SPAG1: variants seen among roughly 807,000 people sequenced by gnomAD.
SPAG1 encodes sperm associated antigen 1.
In SPAG1, 69 loss-of-function variants were observed where a neutral mutation model predicts 100.5. The ratio of observed to expected loss-of-function variants is 0.69; its 90% confidence interval spans 0.57 to 0.84. The LOEUF (loss-of-function observed/expected upper bound fraction) is 0.84. Ranked by LOEUF, SPAG1 falls within the 40% of genes least tolerant of loss-of-function variation. The pLI is 0.00. For missense variants in SPAG1, 955 were observed against 1,133.1 expected (o/e 0.84, Z 2.26); for synonymous variants, 336 against 411.6 (o/e 0.82, Z 2.22).
intron 10 of SPAG1, among the ~76,000 whole-genome samples, chr8:100,210,803 G>A (rs1157781804): frequency 6.6e-6 from 1 of 151,232 alleles, no homozygotes; most frequent in Non-Finnish European, 1.5e-5. Flanking sequence ...TTATAGGGGT[G>A]AGCCACCTTG....
intron 14 of SPAG1, among the ~76,000 whole-genome samples, chr8:100,228,240 G>A (rs1818605042): frequency 6.6e-6 from 1 of 151,994 alleles, no homozygotes; most frequent in South Asian, 2.1e-4. Flanking sequence ...TGTGCAGAGG[G>A]ACAAATAAGA....
intron 14 of SPAG1, among the ~76,000 whole-genome samples, chr8:100,226,564 C>T (rs555356775): frequency 1.6e-4 from 25 of 152,040 alleles, no homozygotes; most frequent in Non-Finnish European, 2.5e-4. Flanking sequence ...ATTAGCCAAG[C>T]GTGGTGGTGC....
chr8:100,228,410 C>CAAAAA (rs71274969), intron 14 of SPAG1, among the ~76,000 whole-genome samples: 3 of 129,580 alleles, frequency 2.3e-5, no homozygotes, highest in African/African-American at 2.9e-5. Context: ...CCATCTCTAC[C>CAAAAA]AAAAAAAAAA....
intron 10 of SPAG1, among the ~76,000 whole-genome samples, chr8:100,210,042 C>T (rs914370042): frequency 7.9e-5 from 12 of 152,022 alleles, no homozygotes; most frequent in South Asian, 2.1e-4. Flanking sequence ...GTTGAATAGC[C>T]GTGGTGAAAA....
At chr8:100,207,124 T>C (rs1339894606) in intron 10 of SPAG1, among the ~76,000 whole-genome samples, 1 of 152,228 alleles carries the variant, frequency 6.6e-6, no homozygotes, top group Non-Finnish European at 1.5e-5. Context: ...CATTTGACTA[T>C]GGGTCATCAA....
At chr8:100,196,751 T>C (rs1340615236) in intron 10 of SPAG1, among the ~76,000 whole-genome samples, 1 of 152,172 alleles carries the variant, frequency 6.6e-6, no homozygotes, top group East Asian at 1.9e-4. Context: ...ATGAACACTT[T>C]GCCTAAGTCA....
intron 3 of SPAG1, among the ~76,000 whole-genome samples, chr8:100,173,102 G>A (rs1815955336): frequency 7.2e-6 from 1 of 138,992 alleles, no homozygotes; most frequent in African/African-American, 2.7e-5. Flanking sequence ...GAGTGCAGTG[G>A]CACAATCATA....
At chr8:100,171,425 C>A (rs1007289772) in intron 3 of SPAG1, among the ~76,000 whole-genome samples, 1 of 152,040 alleles carries the variant, frequency 6.6e-6, no homozygotes, top group Admixed American at 6.6e-5. Context: ...GGTATTATTT[C>A]TTTCTTAAAT....
intron 3 of SPAG1, 107 bp downstream of exon 3, chr8:100,166,080 A>C (rs914882069): frequency 1.3e-5 from 13 of 965,338 alleles, no homozygotes; most frequent in Non-Finnish European, 2.0e-5. Flanking sequence ...AAGGGCTTTT[A>C]GTGTCAATTA....
chr8:100,225,674 CA>C lies in SPAG1; in HGVS notation c.1855+336del, dbSNP rs1439849874. Among the ~76,000 whole-genome samples the C allele has an allele frequency of 4.6e-5, 7 of 151,972 alleles. No homozygotes were observed. The South Asian group carries it at 1.5e-3, about 32-fold the overall frequency. ...GTCTTTAGTAGAGACAGGGTTTCAC[CA>C]TGTTGGCCAGGCTGGTCTCAAACTC... On this transcript the variant is annotated intron_variant, in intron 14 of 18. Coordinates refer to ENST00000388798, the MANE Select transcript of SPAG1 (RefSeq NM_003114.5).
intron 3 of SPAG1, among the ~76,000 whole-genome samples, chr8:100,166,482 C>T (rs1023661371): frequency 6.6e-6 from 1 of 152,168 alleles, no homozygotes; most frequent in Non-Finnish European, 1.5e-5. Context: ...TTCTCGAACT[C>T]CTGACCTCAG....
At chr8:100,173,830 A>T (rs1815986299) in intron 3 of SPAG1, among the ~76,000 whole-genome samples, 1 of 152,220 alleles carries the variant, frequency 6.6e-6, no homozygotes, top group South Asian at 2.1e-4. Context: ...AATCTTGCTG[A>T]AAAGAATGAT....
intron 8 of SPAG1, among the ~76,000 whole-genome samples, chr8:100,189,189 A>T (rs1816707619): frequency 6.6e-6 from 1 of 150,736 alleles, no homozygotes; most frequent in Non-Finnish European, 1.5e-5. Flanking sequence ...AAAAAAAAAA[A>T]AAATGGAGGG....
rs1395116548 is a variant in SPAG1 at position 100,169,286 on chromosome 8, G to A, written c.300+3313G>A. Among the ~76,000 whole-genome samples, 3 of 152,166 alleles carry A rather than the reference G, an allele frequency of 2.0e-5. No individual in the cohort carries two copies. The East Asian group carries it at 5.8e-4, about 29-fold the overall frequency. ...CAGTTGACCAAAGCTGGGTGTGGTG[G>A]CGCATGCCTACAGTCCCAGTTTCTC... On this transcript the variant is annotated intron_variant, in intron 3 of 18. Transcript: ENST00000388798.
At chr8:100,197,412 A>C (rs145699927) in intron 10 of SPAG1, among the ~76,000 whole-genome samples, 3 of 152,342 alleles carry the variant, frequency 2.0e-5, no homozygotes, top group African/African-American at 4.8e-5. Flanking sequence ...CTTAAAATGA[A>C]ATGAAATCAA....
intron 13 of SPAG1, 150 bp downstream of exon 13, chr8:100,220,581 G>GAA: frequency 1.5e-6 from 1 of 660,446 alleles, no homozygotes; most frequent in Non-Finnish European, 2.5e-6. Context: ...ACATCAAATG[G>GAA]TTCTCTCCCT....
intron 12 of SPAG1, among the ~76,000 whole-genome samples, chr8:100,216,931 C>CTTTTTT (rs141365826): frequency 1.5e-4 from 13 of 84,152 alleles, no homozygotes; most frequent in Admixed American, 3.1e-4. Flanking sequence ...TCCATGAGTT[C>CTTTTTT]TTTTTTTTTT....
At chr8:100,219,549 G>T (rs1048493018) in intron 12 of SPAG1, among the ~76,000 whole-genome samples, 2 of 152,156 alleles carry the variant, frequency 1.3e-5, no homozygotes, top group Non-Finnish European at 2.9e-5. Flanking sequence ...TTTACCATGG[G>T]ATTATTGGGA....
chr8:100,163,064 A>T (rs1020920377), intron 2 of SPAG1, among the ~76,000 whole-genome samples: 1 of 152,162 alleles, frequency 6.6e-6, no homozygotes, highest in South Asian at 2.1e-4. Flanking sequence ...CCTGACAACA[A>T]GGGAGGGTGA....
Sources: allele counts gnomAD v4.1 joint callset (sites outside exome capture counted in the v4.1 genomes callset), GRCh38; gene constraint gnomAD v4.1.1; transcripts MANE v1.5; gene names NCBI Gene and HGNC (gene_info 2026-07-23, HGNC 2026-07-21).